The following TGFBR2 variants were observed in gnomAD, a reference collection of about 807,000 sequenced individuals.
The protein encoded by TGFBR2 is transforming growth factor beta receptor 2.
Under a neutral mutation model 49.0 loss-of-function variants are expected in TGFBR2, and 18 were observed. The observed-to-expected ratio is 0.37, with a 90% CI of 0.25 to 0.54. The LOEUF is 0.54. Ranked by LOEUF, TGFBR2 falls within the 20% of genes least tolerant of loss-of-function variation. TGFBR2 has a pLI of 0.85. For missense variants in TGFBR2, 525 were observed against 722.6 expected (o/e 0.73, Z 3.13); for synonymous variants, 282 against 275.9 (o/e 1.02, Z -0.22).
At chr3:30,614,567 T>A (rs377655270) in intron 1 of TGFBR2, among the ~76,000 whole-genome samples, 1 of 152,208 alleles carries the variant, frequency 6.6e-6, no homozygotes, top group East Asian at 1.9e-4. Context: ...ATTGGGCTTA[T>A]TTCCCCTGTA....
At chr3:30,638,114 T>A (rs1698573476) in intron 1 of TGFBR2, among the ~76,000 whole-genome samples, 1 of 152,262 alleles carries the variant, frequency 6.6e-6, no homozygotes, top group African/African-American at 2.4e-5. Flanking sequence ...GCTTATTCTC[T>A]GGTGATATGA....
chr3:30,672,462 C>A lies in TGFBR2; in HGVS notation c.1254+25C>A, dbSNP rs763918013. ...GGTAAGTTAGAGCTAGTGCTAGATCCCCTTTACCTTGAGCCTGGCCTCACC... is the reference window on the plus strand; with the variant it reads ...GGTAAGTTAGAGCTAGTGCTAGATCACCTTTACCTTGAGCCTGGCCTCACC... On this transcript the variant is annotated intron_variant, in intron 4 of 6. Transcript: ENST00000295754. This position sits in a 1 kb window ranked among gnomAD's most constrained non-coding sequence, Gnocchi z 4.5. 2 of 1,612,354 alleles carry A rather than the reference C, an allele frequency of 1.2e-6. No homozygotes were observed. Among genetic ancestry groups the A allele is most frequent in the Non-Finnish European group, 1.7e-6 (2 of 1,178,416 alleles).
chr3:30,694,134 G>A lies in TGFBR2; in HGVS notation c.*2535G>A, dbSNP rs1699757439. ...ATCCTGCCTCCTGTTCCCATTCCTA[G>A]TAGCTAAATCCATTTGCCTCATTTG... On this transcript the variant is annotated 3_prime_UTR_variant, in exon 7 of 7. Transcript: ENST00000295754. The A allele has an allele frequency of 4.5e-6, 1 of 220,510 alleles. No homozygotes were observed. The highest frequency in any genetic ancestry group is 1.8e-4 in the South Asian group (1 of 5,418). 13.7% of individuals were successfully genotyped at this position (220,510 alleles called of 1,614,324 possible). A position where few individuals can be genotyped will look rare whatever the true frequency, so the allele number is the denominator to read the frequency against.
intron 1 of TGFBR2, among the ~76,000 whole-genome samples, chr3:30,621,494 T>A (rs1698231680): frequency 6.6e-6 from 1 of 152,130 alleles, no homozygotes; most frequent in South Asian, 2.1e-4. Flanking sequence ...TTGGCCATGC[T>A]GCTCTTGAAC....
intron 2 of TGFBR2, among the ~76,000 whole-genome samples, chr3:30,648,460 A>ACACACACACACACACACACC (rs1553627538): frequency 0.012 from 1,682 of 142,446 alleles, 63 homozygotes; most frequent in South Asian, 0.019. Context: ...ACACACACAC[A>ACACACACACACACACACACC]CAAAACTGTG....
At chr3:30,659,267 TA>T (rs1325459573) in intron 3 of TGFBR2, among the ~76,000 whole-genome samples, 2 of 152,162 alleles carry the variant, frequency 1.3e-5, no homozygotes, top group Non-Finnish European at 2.9e-5. Context: ...GAAAAGTTGT[TA>T]GAAGAGGAAG....
At chr3:30,623,262 C>T in intron 1 of TGFBR2, 5 of 1,613,896 alleles carry the variant, frequency 3.1e-6, no homozygotes, top group Non-Finnish European at 4.2e-6. Context: ...ACTGCCCATC[C>T]ACTGAGACAT....
chr3:30,614,488 C>A (rs1222700244), intron 1 of TGFBR2, among the ~76,000 whole-genome samples: 1 of 152,152 alleles, frequency 6.6e-6, no homozygotes, highest in Admixed American at 6.6e-5. Flanking sequence ...GGGGCGATAA[C>A]ACTGCTGCTT....
At chr3:30,681,877 C>T (rs948483144) in intron 5 of TGFBR2, among the ~76,000 whole-genome samples, 1 of 151,976 alleles carries the variant, frequency 6.6e-6, no homozygotes, top group African/African-American at 2.4e-5. Context: ...GCAGGAAATG[C>T]CAGTAAGAGA....
At position 30,672,301 on chromosome 3, in the gene TGFBR2, T is replaced by A. The variant is rs1699357750; in HGVS notation, c.1118T>A (p.Met373Lys). The A allele has an allele frequency of 6.2e-7, 1 of 1,608,014 alleles. No homozygotes were observed. The highest frequency in any genetic ancestry group is 8.5e-7 in the Non-Finnish European group (1 of 1,176,250). ...CACACTCCATGTGGGAGGCCCAAGATGCCCATCGTGCACAGGGACCTCAAG... is the reference window on the plus strand; with the variant it reads ...CACACTCCATGTGGGAGGCCCAAGAAGCCCATCGTGCACAGGGACCTCAAG... ...SDHTPCGRPK[M>K]PIVHRDLKSS... The change falls in exon 4 of 7, where the codon ATG becomes AAG. Residue 373 changes from methionine to lysine, a missense_variant. Transcript: ENST00000295754. This position sits in a 1 kb window ranked among gnomAD's most constrained non-coding sequence, Gnocchi z 4.5.
intron 3 of TGFBR2, among the ~76,000 whole-genome samples, chr3:30,652,172 T>G (rs1368414182): frequency 1.3e-5 from 2 of 151,984 alleles, no homozygotes; most frequent in Non-Finnish European, 1.5e-5. Context: ...TTACTCTTCC[T>G]TCCTATGTTC....
chr3:30,611,596 T>C (rs1268944492), intron 1 of TGFBR2, among the ~76,000 whole-genome samples: 1 of 151,378 alleles, frequency 6.6e-6, no homozygotes, highest in Non-Finnish European at 1.5e-5. Context: ...TTTTTTTTTT[T>C]CATAGAAGGG....
chr3:30,613,791 AC>A (rs1183176820), intron 1 of TGFBR2, among the ~76,000 whole-genome samples: 3 of 152,318 alleles, frequency 2.0e-5, no homozygotes, highest in East Asian at 1.9e-4. Flanking sequence ...GAAGGATAAC[AC>A]CTATTTTATT....
intron 2 of TGFBR2, among the ~76,000 whole-genome samples, chr3:30,648,792 G>T (rs1698824727): frequency 6.6e-6 from 1 of 152,094 alleles, no homozygotes; most frequent in African/African-American, 2.4e-5. Flanking sequence ...GGGCTGCATG[G>T]ATGTTGACAC....
intron 3 of TGFBR2, among the ~76,000 whole-genome samples, chr3:30,657,062 A>C (rs1417451530): frequency 6.6e-6 from 1 of 152,212 alleles, no homozygotes; most frequent in African/African-American, 2.4e-5. Context: ...AATGACAAAA[A>C]AGTGGGTCTC....
chr3:30,672,162 T>C lies in TGFBR2; in HGVS notation c.979T>C (p.Phe327Leu). 1 of 1,614,110 alleles carries C rather than the reference T, an allele frequency of 6.2e-7. No homozygotes were observed. The highest frequency in any genetic ancestry group is 8.5e-7 in the Non-Finnish European group (1 of 1,179,984). ...LGKQYWLITA[F>L]HAKGNLQEYL... is the part of the protein sequence containing the mutation. Reference sequence around the variant, plus strand: ...GAAACAATACTGGCTGATCACCGCCTTCCACGCCAAGGGCAACCTACAGGA... The same window carrying C: ...GAAACAATACTGGCTGATCACCGCCCTCCACGCCAAGGGCAACCTACAGGA... The change falls in exon 4 of 7, where the codon TTC (phenylalanine) becomes CTC (leucine). Residue 327 changes from phenylalanine (F) to leucine (L), a missense_variant. By Grantham distance (22) the Phe-to-Leu change is conservative (BLOSUM62 0). Coordinates refer to ENST00000295754, the MANE Select transcript of TGFBR2 (RefSeq NM_003242.6). This position sits in a 1 kb window ranked among gnomAD's most constrained non-coding sequence, Gnocchi z 4.5.
At chr3:30,680,673 C>G (rs1699523474) in intron 5 of TGFBR2, among the ~76,000 whole-genome samples, 1 of 151,756 alleles carries the variant, frequency 6.6e-6, no homozygotes, top group Non-Finnish European at 1.5e-5. Context: ...ACATTTTAAT[C>G]CTCTGAAAGA....
intron 3 of TGFBR2, among the ~76,000 whole-genome samples, chr3:30,668,251 C>A (rs963305818): frequency 8.5e-5 from 13 of 152,262 alleles, no homozygotes. Flanking sequence ...CTGTGTATAT[C>A]ATGATGATCA....
At chr3:30,623,535 T>C (rs1231860348) in intron 1 of TGFBR2, among the ~76,000 whole-genome samples, 1 of 152,238 alleles carries the variant, frequency 6.6e-6, no homozygotes, top group East Asian at 1.9e-4. Flanking sequence ...TTTCAAACTA[T>C]GTAATGAGTC....
Sources: allele counts gnomAD v4.1 joint callset (sites outside exome capture counted in the v4.1 genomes callset), GRCh38; gene constraint gnomAD v4.1.1; non-coding constraint Gnocchi (gnomAD v3.1); transcripts MANE v1.5; gene names NCBI Gene and HGNC (gene_info 2026-07-23, HGNC 2026-07-21).